Variants in TBC1D22A observed in about 807,000 individuals in gnomAD.
TBC1D22A encodes TBC1 domain family member 22A, also known as putative GTPase activator.
Under a neutral mutation model 60.2 loss-of-function variants are expected in TBC1D22A, and 38 were observed. The ratio of observed to expected loss-of-function variants is 0.63; its 90% CI spans 0.49 to 0.83. The LOEUF (loss-of-function observed/expected upper bound fraction) is 0.83, where lower values mean the gene tolerates loss of function less well. TBC1D22A is among the 40% of genes least tolerant of loss of function. The pLI is 0.00. For missense variants in TBC1D22A, 628 were observed against 701.0 expected, an observed-to-expected ratio of 0.90 and a Z score of 1.18; for synonymous variants, 302 against 281.7, an observed-to-expected ratio of 1.07 and a Z score of -0.72.
chr22:47,057,948 G>A (rs578123856), intron 11 of TBC1D22A, among the ~76,000 whole-genome samples: 1 of 152,316 alleles, frequency 6.6e-6, no homozygotes, highest in South Asian at 2.1e-4. Context: ...GAAGATCCTG[G>A]GCTTGTGGTC....
chr22:46,785,499 T>G (rs12483805), intron 1 of TBC1D22A, among the ~76,000 whole-genome samples: 1 of 152,180 alleles, frequency 6.6e-6, no homozygotes, highest in South Asian at 2.1e-4. Context: ...ATGCAGTGGT[T>G]TTTTTAGTGT....
intron 8 of TBC1D22A, among the ~76,000 whole-genome samples, chr22:46,973,775 A>G (rs1362421960): frequency 6.6e-6 from 1 of 152,146 alleles, no homozygotes; most frequent in Non-Finnish European, 1.5e-5. Context: ...TTAGAGCGCC[A>G]TTGTCTGTTC....
chr22:46,915,434 G>A (rs1254617221), intron 8 of TBC1D22A: 1 of 456,694 alleles, frequency 2.2e-6, no homozygotes, highest in Non-Finnish European at 4.4e-6. Flanking sequence ...TTCGACACCT[G>A]AGCACCTGCC....
At position 47,172,032 on chromosome 22, in the gene TBC1D22A, A is replaced by AGCCTACCCAGCACTCCCAGTGT. The variant is rs1569482590; in HGVS notation, c.1426-1445_1426-1444insTGCCTACCCAGCACTCCCAGTG. 6.7e-4 allele frequency among the ~76,000 whole-genome samples: 57 copies of AGCCTACCCAGCACTCCCAGTGT among 85,666 alleles called. No homozygotes were observed. In the South Asian group the frequency reaches 8.3e-3, roughly 12 times the overall value. 56.2% of individuals were successfully genotyped at this position (85,666 alleles called of 152,430 possible). ...GTGTGCCTACCCAGCACTCCCAGTGAGCCTACCCAGCACTCCCAGTGAGCC... is the reference window on the plus strand; with the variant it reads ...GTGTGCCTACCCAGCACTCCCAGTGAGCCTACCCAGCACTCCCAGTGTGCCTACCCAGCACTCCCAGTGAGCC... On this transcript the variant is annotated intron_variant, in intron 12 of 12. Coordinates refer to ENST00000337137, the MANE Select transcript of TBC1D22A (RefSeq NM_014346.5).
chr22:47,105,399 G>A (rs1327116498), intron 11 of TBC1D22A, among the ~76,000 whole-genome samples: 1 of 152,170 alleles, frequency 6.6e-6, no homozygotes, highest in African/African-American at 2.4e-5. Flanking sequence ...GAAATCTCGA[G>A]AAAATACAAA....
At position 47,154,434 on chromosome 22, in the gene TBC1D22A, G is replaced by GC. The variant is rs551807662; in HGVS notation, c.1426-19057dup. The stretch of plus-strand genomic sequence containing the variant: ...CGGGACACTGTCATGGCCTGGAAAT[G>GC]CCCCCCCGCTTGAAATTACGACTCT... On this transcript the variant is annotated intron_variant, in intron 12 of 12. Transcript: ENST00000337137. 4.3e-3 allele frequency among the ~76,000 whole-genome samples: 649 copies of GC among 152,162 alleles called. 9 individuals carry two copies. The highest frequency in any genetic ancestry group is 0.014 in the African/African-American group (598 of 41,506).
At chr22:47,131,669 G>T (rs959641405) in intron 12 of TBC1D22A, among the ~76,000 whole-genome samples, 1 of 152,240 alleles carries the variant, frequency 6.6e-6, no homozygotes, top group Admixed American at 6.5e-5. Flanking sequence ...CCTGCTGACA[G>T]TGGGGGTCAG....
intron 10 of TBC1D22A, among the ~76,000 whole-genome samples, chr22:47,031,883 G>T (rs542388839): frequency 3.3e-5 from 5 of 152,316 alleles, no homozygotes; most frequent in African/African-American, 9.6e-5. Flanking sequence ...GGGGCTGAGG[G>T]CTTGGTGGCC....
intron 8 of TBC1D22A, among the ~76,000 whole-genome samples, chr22:46,971,917 G>A (rs1338196680): frequency 6.6e-6 from 1 of 152,230 alleles, no homozygotes; most frequent in Non-Finnish European, 1.5e-5. Flanking sequence ...GCTGGAGGGA[G>A]AGCCTGCAGC....
intron 4 of TBC1D22A, among the ~76,000 whole-genome samples, chr22:46,868,944 G>A (rs1173291715): frequency 2.8e-5 from 1 of 35,568 alleles, no homozygotes; most frequent in African/African-American, 1.0e-3. Context: ...GGAGTAGGTG[G>A]GGGGTGCCCC....
chr22:46,795,414 G>C (rs879643008), intron 3 of TBC1D22A, among the ~76,000 whole-genome samples: 6 of 152,236 alleles, frequency 3.9e-5, no homozygotes, highest in Non-Finnish European at 5.9e-5. Flanking sequence ...TCTGACAAGA[G>C]GCAGGCTCAG....
intron 8 of TBC1D22A, among the ~76,000 whole-genome samples, chr22:46,922,663 T>C (rs1602498990): frequency 1.3e-5 from 2 of 152,214 alleles, no homozygotes; most frequent in Admixed American, 6.5e-5. Context: ...TGGTTAGCTG[T>C]ATTTCTAGGT....
intron 9 of TBC1D22A, among the ~76,000 whole-genome samples, chr22:46,994,945 C>T (rs759114821): frequency 6.6e-6 from 1 of 152,240 alleles, no homozygotes; most frequent in Non-Finnish European, 1.5e-5. Context: ...TTTCTTACTC[C>T]TGTTAAATTT....
At chr22:47,086,119 C>A (rs2064672345) in intron 11 of TBC1D22A, among the ~76,000 whole-genome samples, 1 of 152,234 alleles carries the variant, frequency 6.6e-6, no homozygotes, top group Non-Finnish European at 1.5e-5. Flanking sequence ...CAGCGCTCTT[C>A]TGGGAGCGCT....
intron 4 of TBC1D22A, among the ~76,000 whole-genome samples, chr22:46,835,242 C>T (rs1030505687): frequency 2.5e-4 from 38 of 152,182 alleles, no homozygotes; most frequent in African/African-American, 7.2e-4. Context: ...CATGACCTGA[C>T]GAAAAGAACA....
At chr22:47,143,562 G>A (rs2067182457) in intron 12 of TBC1D22A, among the ~76,000 whole-genome samples, 1 of 152,208 alleles carries the variant, frequency 6.6e-6, no homozygotes, top group Non-Finnish European at 1.5e-5. Flanking sequence ...CTTAGGCACT[G>A]CCTCACGTGC....
At chr22:47,121,436 G>A (rs1465043947) in intron 12 of TBC1D22A, among the ~76,000 whole-genome samples, 1 of 152,120 alleles carries the variant, frequency 6.6e-6, no homozygotes, top group East Asian at 1.9e-4. Flanking sequence ...CTAAGTTATG[G>A]TACATGGCTG....
Position 46,793,800 on chromosome 22 carries a change from T to C in TBC1D22A, c.419T>C (p.Leu140Pro). The change falls in exon 3 of 13, where the codon CTG (leucine) becomes CCG (proline). Residue 140 changes from leucine (L) to proline (P), a missense_variant. By Grantham distance (98) the Leu-to-Pro change is moderately conservative. Coordinates refer to ENST00000337137, the MANE Select transcript of TBC1D22A (RefSeq NM_014346.5). ...PPSPPSGDLR[L>P]VKSVSESHTS... ...TCACCCCCCAGCGGCGACCTCCGGC[T>C]GGTGAAGTCGGTCAGTGAGAGCCAC... is the stretch of plus-strand genomic sequence containing the variant. 6.3e-7 allele frequency: 1 copy of C among 1,597,030 alleles called. No homozygotes were observed. The highest frequency in any genetic ancestry group is 8.5e-7 in the Non-Finnish European group (1 of 1,172,406).
chr22:46,892,254 T>G (rs991015924), intron 6 of TBC1D22A, among the ~76,000 whole-genome samples: 1 of 152,006 alleles, frequency 6.6e-6, no homozygotes, highest in Admixed American at 6.6e-5. Context: ...TCTCTTTCAG[T>G]TGTGGGATAG....
Sources: allele counts gnomAD v4.1 joint callset (sites outside exome capture counted in the v4.1 genomes callset), GRCh38; gene constraint gnomAD v4.1.1; transcripts MANE v1.5; gene names NCBI Gene and HGNC (gene_info 2026-07-23, HGNC 2026-07-21).